Variants in MROH2A observed in about 807,000 individuals in gnomAD.
MROH2A encodes maestro heat like repeat family member 2A.
A neutral mutation model predicts 200.4 loss-of-function variants in MROH2A; 174 were observed. The observed-to-expected ratio is 0.87, with a 90% CI of 0.77 to 0.98. The LOEUF is 0.98. MROH2A is among the 50% of genes least tolerant of loss of function. The pLI is 0.00. For synonymous variants in MROH2A, 829 were observed against 840.4 expected, an observed-to-expected ratio of 0.99 and a Z score of 0.23; for missense variants, 2,045 against 2,139.6, an observed-to-expected ratio of 0.96 and a Z score of 0.87.
chr2:233,790,865 G>C (rs576666859), intron 5 of MROH2A, among the ~76,000 whole-genome samples: 1 of 152,312 alleles, frequency 6.6e-6, no homozygotes, highest in East Asian at 1.9e-4. Flanking sequence ...GTTTATAACA[G>C]GAGGTGACGG....
chr2:233,795,889 C>G (rs1702073617), intron 9 of MROH2A, 78 bp from the exon 10 acceptor site: 1 of 1,530,942 alleles, frequency 6.5e-7, no homozygotes, highest in Non-Finnish European at 8.8e-7. Flanking sequence ...CCATGCAGCC[C>G]CAGGTATGGT....
rs1051963103 is a variant in MROH2A at position 233,819,481 on chromosome 2, G to A, written c.3357+12G>A. Reference sequence around the variant, plus strand: ...AGCTGGAGGACAAGGTGGCAGAGCCGCGGCAGGGCCACCAGAGAGAGGGGC... The same window carrying A: ...AGCTGGAGGACAAGGTGGCAGAGCCACGGCAGGGCCACCAGAGAGAGGGGC... On this transcript the variant is annotated intron_variant, in intron 30 of 41. Coordinates refer to ENST00000389758, the MANE Select transcript of MROH2A (RefSeq NM_001394639.1). The A allele has an allele frequency of 3.7e-5, 57 of 1,548,690 alleles. No individual in the cohort carries two copies. The highest frequency in any genetic ancestry group is 2.2e-4 in the Admixed American group (11 of 50,920).
rs760943208 is a variant in MROH2A at position 233,796,274 on chromosome 2, G to A, written c.1213G>A (p.Gly405Arg). Residue 405 changes from glycine (G) to arginine (R), a missense_variant, in exon 11 of 42, where the codon GGG becomes AGG. Around this residue, in one of 3 missense-constraint regions of MROH2A, gnomAD observed 831 missense variants for 800.0 expected, o/e 1.04. Transcript: ENST00000389758. ...GACAAACAAGGAGGCCGTCCGCGTG[G>A]GGACTCTGAATCTGATTAGGGCTAT... ...METNKEAVRVGTLNLIRAIVS... is the reference protein window; with the variant it reads ...METNKEAVRVRTLNLIRAIVS... 32 of 1,338,382 alleles carry A rather than the reference G, an allele frequency of 2.4e-5. No homozygotes were observed. In the East Asian group the frequency reaches 1.0e-3, roughly 42 times the overall value. The allele number at this position is 1,338,382 out of a possible 1,614,324, so 82.9% of individuals were successfully genotyped here. A position where few individuals can be genotyped will look rare whatever the true frequency, so the allele number is the denominator to read the frequency against.
At chr2:233,809,021 C>A in intron 21 of MROH2A, 105 bp from the exon 22 acceptor site, 1 of 1,301,338 alleles carries the variant, frequency 7.7e-7, no homozygotes, top group Non-Finnish European at 1.0e-6. Flanking sequence ...TGAAGCACCG[C>A]CAGCTGACTC....
At chr2:233,787,565 ATAT>A (rs1287989898) in intron 3 of MROH2A, among the ~76,000 whole-genome samples, 1 of 63,542 alleles carries the variant, frequency 1.6e-5, no homozygotes, top group African/African-American at 7.0e-5. Flanking sequence ...ATATACATAT[ATAT>A]TATATATATC....
chr2:233,812,106 G>T, intron 24 of MROH2A, 147 bp downstream of exon 24: 1 of 612,898 alleles, frequency 1.6e-6, no homozygotes, highest in Non-Finnish European at 2.9e-6. Context: ...CAGGGCAATG[G>T]GCCAGCCTAG....
intron 40 of MROH2A, 146 bp downstream of exon 40, chr2:233,832,425 C>A: frequency 1.1e-6 from 1 of 950,742 alleles, no homozygotes; most frequent in South Asian, 1.6e-5. Flanking sequence ...ACTGTGCTTT[C>A]TATCCCGTTT....
In MROH2A at chr2:233,799,098, C is replaced by T. The variant is rs539854146; in HGVS notation, c.1329+248C>T. ...GCACCACCTTGGACCCAACAGAGGC[C>T]GAGTAAATCCAGCTGCAGCTAGAGT... On this transcript the variant is annotated intron_variant, in intron 12 of 41. Transcript: ENST00000389758. Among the ~76,000 whole-genome samples the T allele has an allele frequency of 1.9e-3, 289 of 152,188 alleles. 2 individuals are homozygous for T. Among genetic ancestry groups the T allele is most frequent in the African/African-American group, 6.4e-3 (265 of 41,504 alleles).
intron 23 of MROH2A, 25 bp from the exon 24 acceptor site, chr2:233,811,855 A>G: frequency 6.5e-7 from 1 of 1,533,384 alleles, no homozygotes; most frequent in Non-Finnish European, 8.8e-7. Flanking sequence ...ACCAAAAGCC[A>G]CCACCCCCTG....
intron 14 of MROH2A, among the ~76,000 whole-genome samples, chr2:233,800,631 ATGTGTGTGTGTGTGTG>A (rs10647744): frequency 1.3e-5 from 2 of 149,852 alleles, no homozygotes; most frequent in African/African-American, 4.9e-5. Context: ...GTGTGTGTGT[ATGTGTGTGTGTGTGTG>A]TGTGTGTGTG....
chr2:233,785,266 A>G (rs1004643753), intron 3 of MROH2A, among the ~76,000 whole-genome samples: 1 of 152,092 alleles, frequency 6.6e-6, no homozygotes, highest in African/African-American at 2.4e-5. Context: ...CCAGGAGTGC[A>G]AGACCAGCCT....
chr2:233,802,083 C>T (rs1702508414), intron 14 of MROH2A, 85 bp from the exon 15 acceptor site: 5 of 1,402,032 alleles, frequency 3.6e-6, no homozygotes, highest in Middle Eastern at 4.3e-4. Flanking sequence ...GATGGGATGG[C>T]ACCATGGCAG....
At chr2:233,811,806 C>T (rs944154130) in intron 23 of MROH2A, 74 bp from the exon 24 acceptor site, 1 of 956,922 alleles carries the variant, frequency 1.0e-6, no homozygotes, top group Non-Finnish European at 1.6e-6. Flanking sequence ...CCAGGTCTTC[C>T]TCATGCTAAC....
intron 38 of MROH2A, 50 bp from the exon 39 acceptor site, chr2:233,831,359 G>GA (rs1704735164): frequency 6.6e-7 from 1 of 1,505,462 alleles, no homozygotes; most frequent in Non-Finnish European, 8.9e-7. Context: ...CCCCTCTGGG[G>GA]AACCACGTGG....
In MROH2A at chr2:233,789,526, C is replaced by T; in HGVS notation, c.306C>T (p.Tyr102=). The T allele has an allele frequency of 1.4e-6, 2 of 1,460,748 alleles. No individual in the cohort carries two copies. Among genetic ancestry groups the T allele is most frequent in the Non-Finnish European group, 1.8e-6 (2 of 1,104,484 alleles). 90.5% of individuals were successfully genotyped at this position (1,460,748 alleles called of 1,614,324 possible). ...CCACCCAGCGCAAGGTCAACATTTA[C>T]AACATCCTCCAGGACATCATCCAGC... The part of the protein sequence containing the change: ...EISTQRKVNI[Y]NILQDIIQQE... Residue 102 remains tyrosine, a synonymous_variant, in exon 4 of 42, where the codon TAC becomes TAT. Coordinates refer to ENST00000389758, the MANE Select transcript of MROH2A (RefSeq NM_001394639.1).
At chr2:233,794,552 T>C (rs1344809795) in intron 8 of MROH2A, 46 bp downstream of exon 8, 30 of 1,047,736 alleles carry the variant, frequency 2.9e-5, no homozygotes, top group Non-Finnish European at 3.4e-5. Context: ...GCTTAGGGAA[T>C]TGGGGGCTCC....
intron 39 of MROH2A, 118 bp downstream of exon 39, chr2:233,831,658 C>T: frequency 8.8e-7 from 1 of 1,131,962 alleles, no homozygotes; most frequent in Middle Eastern, 2.0e-4. Flanking sequence ...TCCACACATG[C>T]CATGTCGAGA....
chr2:233,779,464 A>G lies in MROH2A; in HGVS notation c.94+12A>G. On this transcript the variant is annotated intron_variant, in intron 2 of 41. Transcript: ENST00000389758. ...ATTACATGACAGTGGTAAGAATGTC[A>G]TCCACATTTCTGCTTTCCTGCCCCA... The G allele has an allele frequency of 1.3e-6, 2 of 1,540,560 alleles. No individual in the cohort carries two copies. Among genetic ancestry groups the G allele is most frequent in the South Asian group, 1.2e-5 (1 of 83,846 alleles).
chr2:233,831,100 C>G (rs989373761), intron 38 of MROH2A, among the ~76,000 whole-genome samples: 9 of 152,206 alleles, frequency 5.9e-5, no homozygotes, highest in Admixed American at 5.9e-4. Flanking sequence ...CTGCTCAAGC[C>G]CGGCTCCCGC....
Sources: gnomAD v4.1 joint callset for allele counts (sites outside exome capture counted in the v4.1 genomes callset) on GRCh38, gnomAD v4.1.1 for gene constraint, gnomAD v4.1.1 regional missense constraint, MANE v1.5 for transcripts, NCBI Gene and HGNC (gene_info 2026-07-23, HGNC 2026-07-21) for gene names.